The following CACNA1A variants were observed in gnomAD, a reference collection of about 807,000 sequenced individuals.
CACNA1A encodes voltage-dependent P/Q-type calcium channel subunit alpha-1A.
In CACNA1A, 57 loss-of-function variants were observed where a neutral mutation model predicts 262.4. That is an observed-to-expected ratio of 0.22 (90% CI 0.18 to 0.27). The LOEUF is 0.27. Ranked by LOEUF, CACNA1A falls within the 10% of genes least tolerant of loss-of-function variation. The probability of loss-of-function intolerance (pLI) is 1.00; values close to 1 mark genes in which losing one functional copy is unlikely to be tolerated. For missense variants in CACNA1A, 2,526 were observed against 3,562.8 expected, an observed-to-expected ratio of 0.71 and a Z score of 7.41; for synonymous variants, 1,431 against 1,419.3, an observed-to-expected ratio of 1.01 and a Z score of -0.18.
At chr19:13,224,438 G>A (rs142958841) in intron 38 of CACNA1A, among the ~76,000 whole-genome samples, 8 of 146,156 alleles carry the variant, frequency 5.5e-5, no homozygotes, top group African/African-American at 2.0e-4. Flanking sequence ...AGTGACTTGC[G>A]ATCATGTCAC....
intron 43 of CACNA1A, chr19:13,211,715 ATG>A (rs973220248): frequency 3.6e-3 from 865 of 242,848 alleles, no homozygotes; most frequent in Middle Eastern, 9.3e-3. Context: ...TATGTTGAGC[ATG>A]TGTGTGTGTG....
At chr19:13,328,065 A>C (rs998233511) in intron 10 of CACNA1A, among the ~76,000 whole-genome samples, 1 of 151,826 alleles carries the variant, frequency 6.6e-6, no homozygotes, top group African/African-American at 2.4e-5. Flanking sequence ...TGCCTGGCTA[A>C]GTTTTTCAAC....
Position 13,330,367 on chromosome 19 carries a change from C to T in CACNA1A, c.1256-34G>A, listed in dbSNP as rs370624171. The T allele has an allele frequency of 3.4e-5, 50 of 1,487,984 alleles. No homozygotes were observed. The Middle Eastern group carries it at 1.2e-3, about 35-fold the overall frequency. The allele number at this position is 1,487,984 out of a possible 1,614,324, so 92.2% of individuals were successfully genotyped here. ...ATGGAAACATGGCAAGAGAAAAAGA[C>T]GTTACCCTTTTTGCAACACAGACCA... is the stretch of plus-strand genomic sequence containing the variant. On this transcript the variant is annotated intron_variant, in intron 9 of 46. Coordinates refer to ENST00000360228, the MANE Select transcript of CACNA1A (RefSeq NM_001127222.2).
In CACNA1A at chr19:13,255,113, G is replaced by A; in HGVS notation, c.4737C>T (p.Thr1579=). The A allele has an allele frequency of 6.2e-7, 1 of 1,613,924 alleles. No homozygotes were observed. Among genetic ancestry groups the A allele is most frequent in the Non-Finnish European group, 8.5e-7 (1 of 1,179,840 alleles). The change falls in exon 29 of 47, where the codon ACC becomes ACT. Residue 1579 remains threonine (T), a synonymous_variant. Transcript: ENST00000360228. ...YTIMAMIALN[T]IVLMMKFYGA... is the part of the protein sequence containing the mutation. ...CACTTACCTTCATCATAAGCACGAT[G>A]GTGTTGAGGGCGATCATGGCCATGA...
At chr19:13,434,692 C>T (rs2060580056) in intron 3 of CACNA1A, among the ~76,000 whole-genome samples, 1 of 152,162 alleles carries the variant, frequency 6.6e-6, no homozygotes, top group African/African-American at 2.4e-5. Context: ...AGAAGCTGAG[C>T]AGATGCTGCC....
At chr19:13,325,210 T>TA (rs1213853656) in intron 10 of CACNA1A, among the ~76,000 whole-genome samples, 1 of 150,072 alleles carries the variant, frequency 6.7e-6, no homozygotes, top group African/African-American at 2.4e-5. Context: ...TTTTTTTTTT[T>TA]AATACAGGCC....
At chr19:13,335,032 C>CAA (rs5827189) in intron 7 of CACNA1A, among the ~76,000 whole-genome samples, 104 of 149,416 alleles carry the variant, frequency 7.0e-4, no homozygotes, top group Non-Finnish European at 1.1e-3. Context: ...GACACCGTCT[C>CAA]AAAAAAAAAC....
chr19:13,251,330 AC>A (rs2056389866), intron 30 of CACNA1A, among the ~76,000 whole-genome samples: 1 of 151,436 alleles, frequency 6.6e-6, no homozygotes, highest in African/African-American at 2.4e-5. Context: ...AAAAATACAA[AC>A]AATTAGCCAG....
intron 6 of CACNA1A, among the ~76,000 whole-genome samples, chr19:13,351,591 C>T (rs2058908782): frequency 6.6e-6 from 1 of 152,186 alleles, no homozygotes; most frequent in Non-Finnish European, 1.5e-5. Context: ...CTCACTGCAA[C>T]CTCTGTTTCC....
At chr19:13,401,438 T>C (rs985884329) in intron 3 of CACNA1A, among the ~76,000 whole-genome samples, 9 of 152,134 alleles carry the variant, frequency 5.9e-5, no homozygotes, top group African/African-American at 1.7e-4. Flanking sequence ...GCCTGATACA[T>C]AGTTGAGGCA....
chr19:13,317,314 G>A lies in CACNA1A; in HGVS notation c.1353C>T (p.Pro451=). Residue 451 remains proline, a synonymous_variant, in exon 11 of 47, where the codon CCC becomes CCT. Coordinates refer to ENST00000360228, the MANE Select transcript of CACNA1A (RefSeq NM_001127222.2). The part of the protein sequence containing the change: ...QLADIASVGS[P]FARASIKSAK... ...CACTTTTAATGCTGGCTCGGGCGAA[G>A]GGAGAACCTGCCAGGGAAAAGATGG... The A allele has an allele frequency of 1.3e-6, 2 of 1,599,048 alleles. No homozygotes were observed. Among genetic ancestry groups the A allele is most frequent in the Non-Finnish European group, 1.7e-6 (2 of 1,167,492 alleles).
chr19:13,278,385 T>C (rs1020877050), intron 22 of CACNA1A, among the ~76,000 whole-genome samples: 2 of 152,236 alleles, frequency 1.3e-5, no homozygotes, highest in African/African-American at 4.8e-5. Context: ...CAGGCTGTTC[T>C]GTCTCTCTGG....
chr19:13,246,799 G>A (rs2056247330), intron 30 of CACNA1A, among the ~76,000 whole-genome samples: 1 of 152,066 alleles, frequency 6.6e-6, no homozygotes, highest in Non-Finnish European at 1.5e-5. Flanking sequence ...CTAATTTTTT[G>A]TATTTTTTAG....
At chr19:13,414,522 G>A (rs948862721) in intron 3 of CACNA1A, among the ~76,000 whole-genome samples, 1 of 152,180 alleles carries the variant, frequency 6.6e-6, no homozygotes, top group African/African-American at 2.4e-5. Context: ...CACAAGAAAG[G>A]TGTCATCTAG....
At chr19:13,411,383 T>G (rs376949179) in intron 3 of CACNA1A, among the ~76,000 whole-genome samples, 63 of 152,268 alleles carry the variant, frequency 4.1e-4, no homozygotes, top group African/African-American at 1.5e-3. Context: ...AACTGAATCA[T>G]GGGGGCAGTT....
At chr19:13,486,651 A>G (rs9967627) in intron 1 of CACNA1A, among the ~76,000 whole-genome samples, 101,864 of 151,894 alleles carry the variant, frequency 0.67, 34,741 homozygotes, top group African/African-American at 0.8. Context: ...ATAACAGGAG[A>G]AGGGGAAGAT....
At chr19:13,396,776 C>T (rs2144676144) in intron 3 of CACNA1A, among the ~76,000 whole-genome samples, 1 of 152,282 alleles carries the variant, frequency 6.6e-6, no homozygotes, top group Admixed American at 6.5e-5. Context: ...GGGCTCTGTG[C>T]CCTCGAGGCG....
At chr19:13,227,305 A>G (rs1600120428) in intron 37 of CACNA1A, 126 bp downstream of exon 37, 2 of 480,718 alleles carry the variant, frequency 4.2e-6, no homozygotes, top group East Asian at 6.7e-5. Context: ...TCAAAAACAA[A>G]AAAGAAGAGA....
intron 3 of CACNA1A, among the ~76,000 whole-genome samples, chr19:13,389,435 A>C (rs1281743642): frequency 6.6e-6 from 1 of 152,140 alleles, no homozygotes; most frequent in Non-Finnish European, 1.5e-5. Context: ...GCCTGGGGAC[A>C]TAAGCGCTGA....
Sources: gnomAD v4.1 joint callset for allele counts (sites outside exome capture counted in the v4.1 genomes callset) on GRCh38, gnomAD v4.1.1 for gene constraint, MANE v1.5 for transcripts, NCBI Gene and HGNC (gene_info 2026-07-23, HGNC 2026-07-21) for gene names.